The following IKBKB-DT variants were observed in gnomAD, a reference collection of about 807,000 sequenced individuals.
IKBKB-DT encodes the protein IKBKB divergent transcript, also known as IKBKB antisense RNA.
At chr8:42,250,013 A>G (rs1807111565) in intron 3 of IKBKB-DT, among the ~76,000 whole-genome samples, 1 of 152,214 alleles carries the variant, frequency 6.6e-6, no homozygotes, top group South Asian at 2.1e-4. Flanking sequence ...AGGCAGGGGA[A>G]TTGCAGTGGA....
intron 3 of IKBKB-DT, among the ~76,000 whole-genome samples, chr8:42,262,149 G>A (rs1807297241): frequency 6.9e-6 from 1 of 145,352 alleles, no homozygotes; most frequent in African/African-American, 2.5e-5. Context: ...GTGGGAGGGG[G>A]GAGGGATAGC....
At chr8:42,266,883 C>T (rs1807377667) in intron 1 of IKBKB-DT, among the ~76,000 whole-genome samples, 1 of 152,074 alleles carries the variant, frequency 6.6e-6, no homozygotes, top group Non-Finnish European at 1.5e-5. Context: ...TAACCCACCC[C>T]TTGTTTAGCA....
At position 42,244,012 on chromosome 8, in the gene IKBKB-DT, G is replaced by C. The variant is rs1175578815; in HGVS notation, n.1530-10153C>G. Among the ~76,000 whole-genome samples, 5 of 152,300 alleles carry C rather than the reference G, an allele frequency of 3.3e-5. No homozygotes were observed. The East Asian group carries it at 9.6e-4, about 29-fold the overall frequency. On this transcript the variant is annotated intron_variant and non_coding_transcript_variant, in intron 3 of 3. Transcript: ENST00000518213. ...TTCTAATCTAACTCCAAGCCTGTAT[G>C]CCCGATTGTCTATACAAACTGCAAA...
intron 3 of IKBKB-DT, among the ~76,000 whole-genome samples, chr8:42,237,834 G>A (rs148325942): frequency 6.3e-4 from 96 of 151,676 alleles, no homozygotes; most frequent in African/African-American, 2.3e-3. Flanking sequence ...CATCATCTTG[G>A]GCAACAGAGT....
chr8:42,236,176 T>A (rs1027066771), intron 3 of IKBKB-DT, among the ~76,000 whole-genome samples: 8 of 151,992 alleles, frequency 5.3e-5, no homozygotes, highest in South Asian at 2.1e-4. Flanking sequence ...TTTTTTTTTT[T>A]AATATTTAGA....
intron 3 of IKBKB-DT, among the ~76,000 whole-genome samples, chr8:42,237,087 T>C (rs1806934674): frequency 1.3e-5 from 2 of 149,726 alleles, no homozygotes; most frequent in Non-Finnish European, 2.9e-5. Flanking sequence ...TCAGTTTTTT[T>C]TTTTTGTTTG....
chr8:42,247,802 G>A (rs188052210), intron 3 of IKBKB-DT, among the ~76,000 whole-genome samples: 22 of 152,168 alleles, frequency 1.4e-4, no homozygotes, highest in African/African-American at 5.3e-4. Context: ...GCCTTGTGAA[G>A]AAAGTGCCTG....
intron 3 of IKBKB-DT, among the ~76,000 whole-genome samples, chr8:42,258,564 A>T (rs1397616711): frequency 6.6e-6 from 1 of 150,488 alleles, no homozygotes; most frequent in African/African-American, 2.5e-5. Context: ...CGCCTCCTGG[A>T]TTCACGCCAT....
intron 3 of IKBKB-DT, among the ~76,000 whole-genome samples, chr8:42,237,916 T>A (rs1467756222): frequency 6.8e-6 from 1 of 147,738 alleles, no homozygotes; most frequent in Non-Finnish European, 1.5e-5. Context: ...TCCCAGCTAC[T>A]CCAGAGGCTG....
At chr8:42,263,731 T>C (rs1168711122) in intron 2 of IKBKB-DT, among the ~76,000 whole-genome samples, 1 of 152,216 alleles carries the variant, frequency 6.6e-6, no homozygotes, top group Non-Finnish European at 1.5e-5. Context: ...TCTTCTCTAA[T>C]GATTAGAGTT....
chr8:42,236,233 T>C (rs1806920146), intron 3 of IKBKB-DT, among the ~76,000 whole-genome samples: 1 of 151,950 alleles, frequency 6.6e-6, no homozygotes, highest in African/African-American at 2.4e-5. Context: ...ACTCCTGGCC[T>C]CCAGCAATCC....
At chr8:42,251,824 A>G (rs57493396) in intron 3 of IKBKB-DT, among the ~76,000 whole-genome samples, 3,235 of 143,822 alleles carry the variant, frequency 0.022, 122 homozygotes, top group African/African-American at 0.08. Context: ...GCAAGACTCC[A>G]TCTCAAAAAA....
intron 3 of IKBKB-DT, among the ~76,000 whole-genome samples, chr8:42,235,388 T>G (rs1806906223): frequency 6.6e-6 from 1 of 151,942 alleles, no homozygotes; most frequent in Non-Finnish European, 1.5e-5. Context: ...GTATTTTTAC[T>G]AGAGTCAGGG....
chr8:42,241,222 A>ATTTTTTTTTTT (rs1563274607), intron 3 of IKBKB-DT, among the ~76,000 whole-genome samples: 1 of 66,604 alleles, frequency 1.5e-5, no homozygotes, highest in Non-Finnish European at 3.2e-5. Flanking sequence ...ATATGTTGGA[A>ATTTTTTTTTTT]TCTTTTTTTT....
intron 3 of IKBKB-DT, among the ~76,000 whole-genome samples, chr8:42,243,508 C>T (rs1015575485): frequency 4.6e-5 from 7 of 152,144 alleles, no homozygotes; most frequent in Non-Finnish European, 8.8e-5. Flanking sequence ...GGTTTTATGT[C>T]CCACCACTTC....
intron 3 of IKBKB-DT, among the ~76,000 whole-genome samples, chr8:42,245,525 A>C (rs1275309563): frequency 3.9e-5 from 6 of 152,232 alleles, no homozygotes; most frequent in Non-Finnish European, 8.8e-5. Flanking sequence ...TGAGCGGTGG[A>C]GAATCACACA....
At chr8:42,238,480 T>C (rs143763145) in intron 3 of IKBKB-DT, among the ~76,000 whole-genome samples, 19 of 152,228 alleles carry the variant, frequency 1.2e-4, no homozygotes, top group African/African-American at 4.3e-4. Context: ...CTAATGAAAG[T>C]CCACAAGATG....
chr8:42,235,205 CTTTTTTTTT>C (rs746414963), intron 3 of IKBKB-DT, among the ~76,000 whole-genome samples: 1 of 99,402 alleles, frequency 1.0e-5, no homozygotes, highest in East Asian at 2.8e-4. Context: ...CTTTTATTTT[CTTTTTTTTT>C]TTTTTTTTGA....
exon 2 of IKBKB-DT, chr8:42,266,072 A>G (rs1464500168): frequency 6.6e-6 from 1 of 152,268 alleles, no homozygotes; most frequent in East Asian, 1.9e-4. Flanking sequence ...ACTTCTTCAC[A>G]TCCTCCGACT....
Sources: gnomAD v4.1 joint callset for allele counts (sites outside exome capture counted in the v4.1 genomes callset) on GRCh38, gnomAD v4.1.1 for gene constraint, MANE v1.5 for transcripts, NCBI Gene and HGNC (gene_info 2026-07-23, HGNC 2026-07-21) for gene names.